The following RMDN2 variants were observed in gnomAD, a reference collection of about 807,000 sequenced individuals.
RMDN2 encodes the protein regulator of microtubule dynamics 2.
Under a neutral mutation model 52.8 loss-of-function variants are expected in RMDN2, and 61 were observed. That is an observed-to-expected ratio of 1.16 (90% confidence interval 0.94 to 1.43). The LOEUF (loss-of-function observed/expected upper bound fraction) is 1.43. Ranked by LOEUF, RMDN2 falls within the 40% of genes most tolerant of loss-of-function variation. RMDN2 has a pLI of 0.00. For missense variants in RMDN2, 592 were observed against 475.3 expected (o/e 1.25, Z -2.28); for synonymous variants, 180 against 153.1 (o/e 1.18, Z -1.30).
intron 2 of RMDN2, chr2:37,952,361 TTGC>T (rs1668942905): frequency 6.3e-6 from 4 of 633,466 alleles, no homozygotes. Flanking sequence ...GTAAATTTAA[TTGC>T]TGTAGTTTTG....
intron 10 of RMDN2, among the ~76,000 whole-genome samples, chr2:38,037,107 A>C (rs1680636653): frequency 6.6e-6 from 1 of 152,182 alleles, no homozygotes; most frequent in Non-Finnish European, 1.5e-5. Context: ...TTAAATCCAG[A>C]CCTGACACTT....
intron 4 of RMDN2, among the ~76,000 whole-genome samples, chr2:37,979,042 A>C (rs1162119322): frequency 6.6e-6 from 1 of 152,218 alleles, no homozygotes; most frequent in Non-Finnish European, 1.5e-5. Flanking sequence ...AATGAAGCAT[A>C]GAATTGAAAT....
At chr2:37,945,063 T>G (rs1668113116) in intron 2 of RMDN2, among the ~76,000 whole-genome samples, 1 of 152,164 alleles carries the variant, frequency 6.6e-6, no homozygotes, top group Admixed American at 6.5e-5. Flanking sequence ...TTGGGAAACT[T>G]TATTAAGCTC....
intron 2 of RMDN2, among the ~76,000 whole-genome samples, chr2:37,971,465 A>G (rs1234341663): frequency 6.6e-6 from 1 of 152,202 alleles, no homozygotes; most frequent in Non-Finnish European, 1.5e-5. Flanking sequence ...TACCCCAAGG[A>G]CTAAAATATA....
intron 2 of RMDN2, chr2:37,951,292 A>C (rs754537289): frequency 4.3e-6 from 7 of 1,611,892 alleles, no homozygotes; most frequent in African/African-American, 1.3e-5. Flanking sequence ...GTTAGTACAG[A>C]CGCCCAGCAT....
At chr2:37,995,049 A>G (rs1675325095) in intron 7 of RMDN2, among the ~76,000 whole-genome samples, 1 of 152,190 alleles carries the variant, frequency 6.6e-6, no homozygotes, top group Admixed American at 6.5e-5. Context: ...AAAATGTACT[A>G]TATATTGGTT....
rs1192105060 is a variant in RMDN2 at position 37,974,177 on chromosome 2, C to T, written c.590C>T (p.Ser197Leu). 8.1e-6 allele frequency: 13 copies of T among 1,612,732 alleles called. No homozygotes were observed. Among genetic ancestry groups the T allele is most frequent in the Middle Eastern group, 1.6e-4 (1 of 6,082 alleles). Residue 197 changes from serine (S) to leucine (L), a missense_variant, in exon 3 of 11, where the codon TCG becomes TTG. By Grantham distance (145) the Ser-to-Leu change is moderately radical. Transcript: ENST00000354545. ...TTACGTATGAGTGAGTCTGGCAAGT[C>T]GGAGAGTTTTGAACTACTTCGTGAC... Reference protein sequence around the residue: ...DHLRMSESGKSESFELLRDHK... With the variant: ...DHLRMSESGKLESFELLRDHK...
chr2:37,925,609 C>T (rs1003442826), intron 1 of RMDN2, among the ~76,000 whole-genome samples, 184 bp downstream of exon 1: 53 of 152,236 alleles, frequency 3.5e-4, no homozygotes, highest in African/African-American at 1.2e-3. Flanking sequence ...AGCAGCGGCC[C>T]ATAGTGGCTT....
intron 2 of RMDN2, chr2:37,950,279 C>T: frequency 1.9e-6 from 1 of 528,534 alleles, no homozygotes; most frequent in East Asian, 3.6e-5. Flanking sequence ...CCTTATCCAG[C>T]TGTTTTCCCA....
intron 2 of RMDN2, chr2:37,952,087 G>A: frequency 6.2e-7 from 1 of 1,613,034 alleles, no homozygotes; most frequent in South Asian, 1.1e-5. Context: ...AAAAATTCTG[G>A]TTGCTTTATC....
At chr2:37,939,826 T>G (rs893353970) in intron 2 of RMDN2, among the ~76,000 whole-genome samples, 1 of 152,172 alleles carries the variant, frequency 6.6e-6, no homozygotes, top group Admixed American at 6.5e-5. Flanking sequence ...CACCAATGGG[T>G]CTTGACTCTT....
intron 10 of RMDN2, chr2:38,032,821 A>C (rs1053084348): frequency 1.3e-5 from 2 of 152,246 alleles, no homozygotes; most frequent in African/African-American, 4.8e-5. Flanking sequence ...CTTGGGCAAC[A>C]GAGCGAGAGT....
At chr2:38,058,550 G>A (rs973778589) in intron 10 of RMDN2, among the ~76,000 whole-genome samples, 2 of 152,198 alleles carry the variant, frequency 1.3e-5, no homozygotes, top group African/African-American at 2.4e-5. Flanking sequence ...CAAGGCAAAG[G>A]TGAAGGAGAA....
intron 10 of RMDN2, among the ~76,000 whole-genome samples, chr2:38,035,499 C>G (rs1680510876): frequency 6.6e-6 from 1 of 151,970 alleles, no homozygotes. Flanking sequence ...AGAAGTCAAG[C>G]AATGAGGGGC....
chr2:37,920,962 A>T (rs144339043), upstream of RMDN2, among the ~76,000 whole-genome samples: 21 of 152,356 alleles, frequency 1.4e-4, no homozygotes, highest in Non-Finnish European at 2.2e-4. Context: ...AGGTTAGTAC[A>T]TGCCTTTTTG....
intron 2 of RMDN2, among the ~76,000 whole-genome samples, chr2:37,969,080 G>A (rs1671460602): frequency 6.7e-6 from 1 of 149,548 alleles, no homozygotes; most frequent in Non-Finnish European, 1.5e-5. Context: ...TAGCGTACAT[G>A]TTCTCTTTTG....
At chr2:38,052,028 A>G (rs1033478815) in intron 10 of RMDN2, among the ~76,000 whole-genome samples, 11 of 152,194 alleles carry the variant, frequency 7.2e-5, no homozygotes, top group African/African-American at 2.7e-4. Flanking sequence ...ATTTGGATAA[A>G]TACCCAGTGG....
At chr2:38,041,427 GTTTTT>G (rs3057329) in intron 10 of RMDN2, among the ~76,000 whole-genome samples, 4 of 120,092 alleles carry the variant, frequency 3.3e-5, no homozygotes, top group Non-Finnish European at 4.9e-5. Flanking sequence ...TTTTTTATTG[GTTTTT>G]TTTTTTTTTT....
chr2:38,045,538 T>G (rs1681219846), intron 10 of RMDN2, among the ~76,000 whole-genome samples: 1 of 152,140 alleles, frequency 6.6e-6, no homozygotes, highest in Non-Finnish European at 1.5e-5. Context: ...GCTTTAGAAA[T>G]CCTCTTCCCA....
Sources: gnomAD v4.1 joint callset for allele counts (sites outside exome capture counted in the v4.1 genomes callset) on GRCh38, gnomAD v4.1.1 for gene constraint, MANE v1.5 for transcripts, NCBI Gene and HGNC (gene_info 2026-07-23, HGNC 2026-07-21) for gene names.